The following EIPR1 variants were observed in gnomAD, a reference collection of about 807,000 sequenced individuals.
EIPR1 encodes EARP complex and GARP complex interacting protein 1.
In EIPR1, 25 loss-of-function variants were observed where a neutral mutation model predicts 48.1. The ratio of observed to expected loss-of-function variants is 0.52; its 90% confidence interval spans 0.38 to 0.73. The LOEUF (loss-of-function observed/expected upper bound fraction) is 0.73. Ranked by LOEUF, EIPR1 falls within the 30% of genes least tolerant of loss-of-function variation. The pLI is 0.00. For synonymous variants in EIPR1, 204 were observed against 201.9 expected (o/e 1.01, Z -0.09); for missense variants, 415 against 506.2 (o/e 0.82, Z 1.73).
At chr2:3,305,585 C>T (rs907290831) in intron 3 of EIPR1, among the ~76,000 whole-genome samples, 23 of 152,384 alleles carry the variant, frequency 1.5e-4, no homozygotes, top group Admixed American at 1.3e-3. Context: ...TCCTGTGCCC[C>T]CATTGAGTAA....
At chr2:3,354,661 C>T in intron 1 of EIPR1, 28 bp from the exon 2 acceptor site, 2 of 1,603,098 alleles carry the variant, frequency 1.2e-6, no homozygotes, top group South Asian at 1.1e-5. Flanking sequence ...AACACATGCA[C>T]ATTTATGAAG....
intron 3 of EIPR1, among the ~76,000 whole-genome samples, chr2:3,321,960 C>T (rs1368460402): frequency 1.3e-5 from 2 of 152,208 alleles, no homozygotes; most frequent in Non-Finnish European, 2.9e-5. Context: ...ATACAGGCTG[C>T]TCTTCACAAT....
At chr2:3,217,992 G>A (rs1010638451) in intron 4 of EIPR1, among the ~76,000 whole-genome samples, 1 of 152,190 alleles carries the variant, frequency 6.6e-6, no homozygotes, top group African/African-American at 2.4e-5. Flanking sequence ...GTACACTCTA[G>A]AGTGTTCACA....
intron 4 of EIPR1, among the ~76,000 whole-genome samples, chr2:3,240,683 G>C (rs879595972): frequency 0.079 from 497 of 6,320 alleles, 3 homozygotes; most frequent in Admixed American, 0.15. Flanking sequence ...CAGTGAGCAG[G>C]TCCCTCCTAA....
chr2:3,270,611 G>T (rs867333096), intron 3 of EIPR1, among the ~76,000 whole-genome samples: 39 of 152,334 alleles, frequency 2.6e-4, no homozygotes, highest in Admixed American at 5.2e-4. Context: ...CTATAATGCA[G>T]TCAAGTAAGT....
In EIPR1 at chr2:3,194,140, T is replaced by A; in HGVS notation, c.680A>T (p.His227Leu). 6.2e-7 allele frequency: 1 copy of A among 1,613,880 alleles called. No homozygotes were observed. The highest frequency in any genetic ancestry group is 8.5e-7 in the Non-Finnish European group (1 of 1,180,012). The change falls in exon 7 of 9, where the codon CAC becomes CTC. Residue 227 changes from histidine to leucine, a missense_variant. Transcript: ENST00000382125. The part of the protein sequence containing the change: ...MSQIYCIENA[H>L]GQLVRDLDFN... ...GTCAAGGTCCCGCACCAGCTGTCCG[T>A]GGGCATTCTCTATGCAGTAGATCTG... is the stretch of plus-strand genomic sequence containing the variant.
chr2:3,299,839 A>G (rs1668717096), intron 3 of EIPR1, among the ~76,000 whole-genome samples: 1 of 152,190 alleles, frequency 6.6e-6, no homozygotes, highest in Non-Finnish European at 1.5e-5. Flanking sequence ...CAGTGAGTGA[A>G]AAGGATCTCG....
chr2:3,274,058 A>C (rs936560695), intron 3 of EIPR1, among the ~76,000 whole-genome samples: 1 of 152,248 alleles, frequency 6.6e-6, no homozygotes. Flanking sequence ...CAGATTAGAA[A>C]TAACTGGTGA....
chr2:3,209,742 T>C (rs1023568104), intron 5 of EIPR1, among the ~76,000 whole-genome samples: 2 of 152,198 alleles, frequency 1.3e-5, no homozygotes, highest in African/African-American at 4.8e-5. Flanking sequence ...CCTTGACTGC[T>C]TATTACTAAG....
At chr2:3,203,950 G>C (rs1013674987) in intron 5 of EIPR1, among the ~76,000 whole-genome samples, 1 of 152,234 alleles carries the variant, frequency 6.6e-6, no homozygotes, top group Non-Finnish European at 1.5e-5. Flanking sequence ...CCTCATGCGA[G>C]GGAGGCTTCA....
intron 1 of EIPR1, among the ~76,000 whole-genome samples, chr2:3,375,037 A>G (rs1333667176): frequency 1.3e-5 from 2 of 149,684 alleles, no homozygotes; most frequent in Non-Finnish European, 3.0e-5. Flanking sequence ...ACACCATGGA[A>G]TACTATGCAG....
At chr2:3,327,544 TAGAG>T (rs1363369102) in intron 3 of EIPR1, among the ~76,000 whole-genome samples, 6 of 152,192 alleles carry the variant, frequency 3.9e-5, no homozygotes, top group African/African-American at 1.4e-4. Flanking sequence ...GATGCTGAGA[TAGAG>T]AGAAAAGGTC....
At chr2:3,351,358 T>A (rs1670573956) in intron 2 of EIPR1, among the ~76,000 whole-genome samples, 1 of 152,224 alleles carries the variant, frequency 6.6e-6, no homozygotes, top group Admixed American at 6.5e-5. Context: ...ATTAATGTCA[T>A]TACCAAATGG....
chr2:3,369,595 G>A (rs1239017853), intron 1 of EIPR1, among the ~76,000 whole-genome samples: 2 of 152,266 alleles, frequency 1.3e-5, no homozygotes, highest in South Asian at 2.1e-4. Context: ...CCCACACCTG[G>A]CTCGGAGGGT....
chr2:3,322,418 T>C (rs181323640), intron 3 of EIPR1, among the ~76,000 whole-genome samples: 1 of 152,338 alleles, frequency 6.6e-6, no homozygotes, highest in East Asian at 1.9e-4. Context: ...ACAATGAATG[T>C]CTAGAGCAGG....
At chr2:3,279,544 T>C (rs1667957307) in intron 3 of EIPR1, among the ~76,000 whole-genome samples, 2 of 152,158 alleles carry the variant, frequency 1.3e-5, no homozygotes, top group East Asian at 3.9e-4. Context: ...AGCTGCAAAA[T>C]GTAGACAGAT....
chr2:3,199,312 G>A (rs1267140489), intron 5 of EIPR1, among the ~76,000 whole-genome samples: 1 of 152,110 alleles, frequency 6.6e-6, no homozygotes, highest in African/African-American at 2.4e-5. Flanking sequence ...AACAATGTGT[G>A]CAGTTAATGC....
intron 2 of EIPR1, among the ~76,000 whole-genome samples, chr2:3,351,190 A>G (rs939992073): frequency 2.0e-5 from 3 of 152,200 alleles, no homozygotes; most frequent in East Asian, 1.9e-4. Context: ...TAGTAGAGAC[A>G]GGGTTTCACC....
At chr2:3,359,969 C>G (rs1259423471) in intron 1 of EIPR1, among the ~76,000 whole-genome samples, 2 of 152,208 alleles carry the variant, frequency 1.3e-5, no homozygotes, top group Non-Finnish European at 2.9e-5. Flanking sequence ...AGAACCCACA[C>G]TCCCAACGTT....
Sources: gnomAD v4.1 joint callset for allele counts (sites outside exome capture counted in the v4.1 genomes callset) on GRCh38, gnomAD v4.1.1 for gene constraint, MANE v1.5 for transcripts, NCBI Gene and HGNC (gene_info 2026-07-23, HGNC 2026-07-21) for gene names.